MDGA2: variants seen among roughly 807,000 people sequenced by gnomAD.
MDGA2 encodes the protein MAM domain containing glycosylphosphatidylinositol anchor 2.
In MDGA2, 40 loss-of-function variants were observed where a neutral mutation model predicts 117.8. The ratio of observed to expected loss-of-function variants is 0.34; its 90% CI spans 0.26 to 0.44. The LOEUF (loss-of-function observed/expected upper bound fraction) is 0.44. Among genes scored for constraint, MDGA2 ranks in the 20% least tolerant of loss-of-function variants. MDGA2 has a pLI of 1.00. For missense variants in MDGA2, 1,123 were observed against 1,250.6 expected, an observed-to-expected ratio of 0.90 and a Z score of 1.54; for synonymous variants, 452 against 439.0, an observed-to-expected ratio of 1.03 and a Z score of -0.37.
At position 47,251,740 on chromosome 14, in the gene MDGA2, A is replaced by G. The variant is rs139594187; in HGVS notation, c.421-33545T>C. ...TACCAAATTGTTTGGAAGTAAAACAATCTCACTCAAGACAAAAGAACGTTT... is the reference window on the plus strand; with the variant it reads ...TACCAAATTGTTTGGAAGTAAAACAGTCTCACTCAAGACAAAAGAACGTTT... On this transcript the variant is annotated intron_variant, in intron 2 of 16. Transcript: ENST00000399232. 4.9e-3 allele frequency among the ~76,000 whole-genome samples: 743 copies of G among 152,264 alleles called. 4 individuals are homozygous for G. The highest frequency in any genetic ancestry group is 6.3e-3 in the Non-Finnish European group (430 of 68,006).
chr14:47,646,840 G>A (rs1897544328), intron 1 of MDGA2, among the ~76,000 whole-genome samples: 1 of 152,144 alleles, frequency 6.6e-6, no homozygotes, highest in Admixed American at 6.5e-5. Context: ...TAATTTGAAA[G>A]TGAGATTTAC....
chr14:47,472,115 C>T (rs547150460), intron 1 of MDGA2, among the ~76,000 whole-genome samples: 23 of 152,062 alleles, frequency 1.5e-4, no homozygotes, highest in Non-Finnish European at 2.8e-4. Flanking sequence ...AAAAAGTATA[C>T]GCAATCCACT....
chr14:47,419,916 C>G (rs1054627768), intron 1 of MDGA2, among the ~76,000 whole-genome samples: 2 of 151,722 alleles, frequency 1.3e-5, no homozygotes, highest in African/African-American at 4.8e-5. Flanking sequence ...GTGGTATAAC[C>G]AAATACAAAC....
intron 1 of MDGA2, among the ~76,000 whole-genome samples, chr14:47,408,692 GT>G (rs1163091432): frequency 2.0e-5 from 3 of 152,200 alleles, no homozygotes; most frequent in African/African-American, 7.2e-5. Flanking sequence ...CCTCAGATCA[GT>G]AGAAACCTAA....
At chr14:47,654,038 A>G (rs1271844467) in intron 1 of MDGA2, among the ~76,000 whole-genome samples, 1 of 152,198 alleles carries the variant, frequency 6.6e-6, no homozygotes, top group African/African-American at 2.4e-5. Context: ...AATTTGTTAC[A>G]AAAACAAAAG....
chr14:47,462,910 A>G (rs895231468), intron 1 of MDGA2, among the ~76,000 whole-genome samples: 2 of 152,254 alleles, frequency 1.3e-5, no homozygotes, highest in Non-Finnish European at 2.9e-5. Context: ...ATAGAGTTTC[A>G]AAATTGAACT....
intron 1 of MDGA2, among the ~76,000 whole-genome samples, chr14:47,355,501 T>A (rs998125803): frequency 1.3e-5 from 2 of 152,110 alleles, no homozygotes; most frequent in Admixed American, 1.3e-4. Context: ...TGGGATGTGA[T>A]ACCCTATGTC....
At chr14:47,094,054 A>G (rs565700306) in intron 6 of MDGA2, among the ~76,000 whole-genome samples, 2 of 152,230 alleles carry the variant, frequency 1.3e-5, no homozygotes, top group South Asian at 4.1e-4. Flanking sequence ...GTTTTCCTTA[A>G]CTGAATTTCT....
chr14:47,435,505 C>T (rs1357569279), intron 1 of MDGA2, among the ~76,000 whole-genome samples: 1 of 152,098 alleles, frequency 6.6e-6, no homozygotes, highest in Non-Finnish European at 1.5e-5. Flanking sequence ...TCTTGAGCAT[C>T]AGCAGTTTTC....
chr14:47,204,960 TG>T (rs1279703063), intron 3 of MDGA2, among the ~76,000 whole-genome samples: 1 of 151,930 alleles, frequency 6.6e-6, no homozygotes, highest in Non-Finnish European at 1.5e-5. Context: ...AAGTCACAAA[TG>T]TAGACAAGAG....
At chr14:47,052,745 C>G (rs1280216353) in intron 7 of MDGA2, among the ~76,000 whole-genome samples, 4 of 151,796 alleles carry the variant, frequency 2.6e-5, no homozygotes, top group Non-Finnish European at 5.9e-5. Context: ...TAATTGTCAC[C>G]TTCTATGAGT....
At chr14:47,292,285 C>T (rs1057353181) in intron 2 of MDGA2, among the ~76,000 whole-genome samples, 1 of 152,120 alleles carries the variant, frequency 6.6e-6, no homozygotes, top group Non-Finnish European at 1.5e-5. Flanking sequence ...TTGGGAAGAA[C>T]AGTTTTATAG....
chr14:46,846,081 T>A (rs536453448), intron 15 of MDGA2, among the ~76,000 whole-genome samples: 1 of 152,232 alleles, frequency 6.6e-6, no homozygotes, highest in African/African-American at 2.4e-5. Flanking sequence ...GTTTTTCACA[T>A]CAAAAGCTCT....
At chr14:46,993,451 A>C (rs1397859104) in intron 8 of MDGA2, among the ~76,000 whole-genome samples, 1 of 130,440 alleles carries the variant, frequency 7.7e-6, no homozygotes, top group Non-Finnish European at 1.8e-5. Context: ...CTTTTTTTCT[A>C]TTTTTTTGGG....
intron 1 of MDGA2, among the ~76,000 whole-genome samples, chr14:47,321,405 T>C (rs1489119675): frequency 6.6e-6 from 1 of 152,210 alleles, no homozygotes; most frequent in Non-Finnish European, 1.5e-5. Context: ...TGAAATGTCT[T>C]GACTAAAAGA....
intron 1 of MDGA2, among the ~76,000 whole-genome samples, chr14:47,661,553 A>C (rs1433267238): frequency 6.6e-6 from 1 of 152,190 alleles, no homozygotes; most frequent in Non-Finnish European, 1.5e-5. Flanking sequence ...CTCACTTATA[A>C]AGAATAAAAT....
At chr14:47,221,089 A>C (rs1206522183) in intron 2 of MDGA2, among the ~76,000 whole-genome samples, 1 of 152,202 alleles carries the variant, frequency 6.6e-6, no homozygotes, top group Non-Finnish European at 1.5e-5. Flanking sequence ...TCCTTGGGTT[A>C]GTATACAATT....
intron 7 of MDGA2, among the ~76,000 whole-genome samples, chr14:47,057,984 T>G (rs964132983): frequency 6.6e-6 from 1 of 152,120 alleles, no homozygotes. Flanking sequence ...AAATTAGGAT[T>G]TACTTCCCTG....
At chr14:47,142,235 G>A (rs1882751373) in intron 4 of MDGA2, among the ~76,000 whole-genome samples, 1 of 152,146 alleles carries the variant, frequency 6.6e-6, no homozygotes, top group Non-Finnish European at 1.5e-5. Flanking sequence ...CTTGAGGTCA[G>A]GAGCTTGAGA....
Sources: gnomAD v4.1 joint callset for allele counts (sites outside exome capture counted in the v4.1 genomes callset) on GRCh38, gnomAD v4.1.1 for gene constraint, MANE v1.5 for transcripts, NCBI Gene and HGNC (gene_info 2026-07-23, HGNC 2026-07-21) for gene names.